The following SORCS1 variants were observed in gnomAD, a reference collection of about 807,000 sequenced individuals.
The protein encoded by SORCS1 is VPS10 domain-containing receptor SorCS1.
Under a neutral mutation model 146.1 loss-of-function variants are expected in SORCS1, and 60 were observed. The observed-to-expected ratio is 0.41, with a 90% CI of 0.33 to 0.51. The LOEUF (loss-of-function observed/expected upper bound fraction) is 0.51, where lower values mean the gene tolerates loss of function less well. SORCS1 is among the 20% of genes least tolerant of loss of function. The probability of loss-of-function intolerance (pLI) is 0.21; values close to 1 mark genes in which losing one functional copy is unlikely to be tolerated. For synonymous variants in SORCS1, 637 were observed against 584.0 expected (o/e 1.09, Z -1.31); for missense variants, 1,352 against 1,487.6 (o/e 0.91, Z 1.50).
At chr10:106,592,893 T>G (rs898652930) in intron 24 of SORCS1, among the ~76,000 whole-genome samples, 11 of 151,864 alleles carry the variant, frequency 7.2e-5, no homozygotes, top group Non-Finnish European at 1.5e-4. Context: ...ATCCCAGCAC[T>G]TTGGGAGGCT....
intron 1 of SORCS1, among the ~76,000 whole-genome samples, chr10:107,063,374 T>A (rs1961423986): frequency 6.6e-6 from 1 of 152,212 alleles, no homozygotes. Flanking sequence ...TTACTATTTC[T>A]ATGAGAGGAG....
intron 2 of SORCS1, among the ~76,000 whole-genome samples, chr10:106,947,345 T>C (rs979665274): frequency 1.3e-5 from 2 of 152,218 alleles, no homozygotes; most frequent in Non-Finnish European, 2.9e-5. Flanking sequence ...TAAAAGGATA[T>C]GTTTACAGAT....
chr10:107,004,486 G>A (rs756241663), intron 1 of SORCS1, among the ~76,000 whole-genome samples: 10 of 152,032 alleles, frequency 6.6e-5, no homozygotes, highest in Non-Finnish European at 8.8e-5. Context: ...GTTGTGCAGG[G>A]GAACTCCCAT....
At chr10:106,810,869 C>T (rs748140128) in intron 3 of SORCS1, among the ~76,000 whole-genome samples, 1 of 152,100 alleles carries the variant, frequency 6.6e-6, no homozygotes, top group Non-Finnish European at 1.5e-5. Flanking sequence ...CAAAATACAG[C>T]TGTCTTTCTA....
At chr10:106,699,505 G>A (rs1853969483) in intron 8 of SORCS1, 112 bp from the exon 9 acceptor site, 2 of 845,958 alleles carry the variant, frequency 2.4e-6, no homozygotes, top group African/African-American at 3.5e-5. Flanking sequence ...GCACTTTAAT[G>A]GAAGATAGCT....
At chr10:106,917,092 C>T (rs1045607379) in intron 2 of SORCS1, among the ~76,000 whole-genome samples, 3 of 152,154 alleles carry the variant, frequency 2.0e-5, no homozygotes, top group African/African-American at 4.8e-5. Flanking sequence ...CTGGCCAGCT[C>T]GTTCTCAGCT....
At chr10:106,989,711 G>A (rs924293259) in intron 1 of SORCS1, among the ~76,000 whole-genome samples, 1 of 130,802 alleles carries the variant, frequency 7.6e-6, no homozygotes, top group African/African-American at 3.3e-5. Context: ...TTCTGAGATG[G>A]AGTCTCACTC....
chr10:106,883,159 T>G (rs926721521), intron 2 of SORCS1, among the ~76,000 whole-genome samples: 1 of 152,144 alleles, frequency 6.6e-6, no homozygotes, highest in African/African-American at 2.4e-5. Flanking sequence ...TCAATTTGAT[T>G]TGATTTTAGA....
chr10:106,613,055 TTTA>T (rs984510529), intron 21 of SORCS1, among the ~76,000 whole-genome samples: 1 of 152,174 alleles, frequency 6.6e-6, no homozygotes, highest in Non-Finnish European at 1.5e-5. Flanking sequence ...GTACATACTT[TTTA>T]TTATTATTAT....
intron 2 of SORCS1, among the ~76,000 whole-genome samples, chr10:106,885,883 T>C (rs921333636): frequency 4.6e-5 from 7 of 152,162 alleles, no homozygotes; most frequent in Non-Finnish European, 7.3e-5. Flanking sequence ...CATTCCCTTT[T>C]TGCCTGTCAC....
intron 5 of SORCS1, among the ~76,000 whole-genome samples, chr10:106,730,633 G>T (rs1856528971): frequency 6.6e-6 from 1 of 152,148 alleles, no homozygotes; most frequent in Non-Finnish European, 1.5e-5. Context: ...TCGAACCCGT[G>T]TGAAGAGAAA....
At chr10:106,873,851 CA>C (rs1050021576) in intron 2 of SORCS1, among the ~76,000 whole-genome samples, 2 of 152,130 alleles carry the variant, frequency 1.3e-5, no homozygotes, top group African/African-American at 2.4e-5. Context: ...GAAAAGCGAT[CA>C]GGGGTCACCC....
chr10:107,091,706 A>G (rs1964188637), intron 1 of SORCS1, among the ~76,000 whole-genome samples: 1 of 152,158 alleles, frequency 6.6e-6, no homozygotes, highest in Non-Finnish European at 1.5e-5. Flanking sequence ...TCCCTTCAAG[A>G]TAGAGTAACT....
chr10:106,760,112 T>C (rs867570478), intron 5 of SORCS1, among the ~76,000 whole-genome samples: 1 of 152,136 alleles, frequency 6.6e-6, no homozygotes, highest in Non-Finnish European at 1.5e-5. Context: ...GCTTAGATCA[T>C]GAGGATAGGG....
At chr10:106,694,586 T>G (rs1366249134) in intron 9 of SORCS1, among the ~76,000 whole-genome samples, 1 of 152,170 alleles carries the variant, frequency 6.6e-6, no homozygotes, top group African/African-American at 2.4e-5. Flanking sequence ...GTATCTTCAA[T>G]AGGACAGCAT....
chr10:106,934,100 C>CAAAAAAAA (rs57432764), intron 2 of SORCS1, among the ~76,000 whole-genome samples: 31 of 97,396 alleles, frequency 3.2e-4, no homozygotes, highest in African/African-American at 6.0e-4. Flanking sequence ...TCTCAAAAAA[C>CAAAAAAAA]AAAAAAAAAA....
In SORCS1 at chr10:106,771,338, G is replaced by A. The variant is rs1781335930; in HGVS notation, c.885+5196C>T. On this transcript the variant is annotated intron_variant, in intron 4 of 25. Coordinates refer to ENST00000263054, the MANE Select transcript of SORCS1 (RefSeq NM_052918.5). ...AGACAGACTGAGAGATGCCGTTGGA[G>A]GCAATGTTTTATAGCACAGTTTGTA... Among the ~76,000 whole-genome samples, 3 of 152,124 alleles carry A rather than the reference G, an allele frequency of 2.0e-5. No individual in the cohort carries two copies. In the South Asian group the frequency reaches 6.2e-4, roughly 32 times the overall value.
chr10:107,124,471 T>C (rs1005568363), intron 1 of SORCS1, among the ~76,000 whole-genome samples: 4 of 152,170 alleles, frequency 2.6e-5, no homozygotes, highest in Non-Finnish European at 5.9e-5. Context: ...TTTCCTTTTT[T>C]TCTCCCAAAC....
Position 106,956,530 on chromosome 10 carries a change from T to C in SORCS1, c.609A>G (p.Thr203=), listed in dbSNP as rs1954950996. The change falls in exon 2 of 26, where the codon ACA becomes ACG. Residue 203 remains threonine (T), a synonymous_variant. Transcript: ENST00000263054. ...CTACATACCTCCAAAGCGAGCTCTCTGTGATGCTCCCCAGGTTATAGTCAT... is the reference window on the plus strand; with the variant it reads ...CTACATACCTCCAAAGCGAGCTCTCCGTGATGCTCCCCAGGTTATAGTCAT... ...KLYDYNLGSI[T]ESSLWRSTDY... is the part of the protein sequence containing the mutation. The C allele has an allele frequency of 9.9e-6, 16 of 1,614,156 alleles. No homozygotes were observed. The highest frequency in any genetic ancestry group is 1.4e-5 in the Non-Finnish European group (16 of 1,180,008).
Sources: gnomAD v4.1 joint callset for allele counts (sites outside exome capture counted in the v4.1 genomes callset) on GRCh38, gnomAD v4.1.1 for gene constraint, MANE v1.5 for transcripts, NCBI Gene and HGNC (gene_info 2026-07-23, HGNC 2026-07-21) for gene names.